The following STK11 variants were observed in gnomAD, a reference collection of about 807,000 sequenced individuals.
The protein encoded by STK11 is serine/threonine-protein kinase STK11.
A neutral mutation model predicts 47.3 loss-of-function variants in STK11; 8 were observed. That is an observed-to-expected ratio of 0.17 (90% CI 0.10 to 0.31). The LOEUF (loss-of-function observed/expected upper bound fraction) is 0.31, where lower values mean the gene tolerates loss of function less well. STK11 is among the 10% of genes least tolerant of loss of function. The probability of loss-of-function intolerance (pLI) is 1.00; values close to 1 mark genes in which losing one functional copy is unlikely to be tolerated. For missense variants in STK11, 475 were observed against 605.0 expected (o/e 0.79, Z 2.25); for synonymous variants, 330 against 255.8 (o/e 1.29, Z -2.77).
intron 1 of STK11, among the ~76,000 whole-genome samples, chr19:1,210,802 C>T (rs1216256121): frequency 2.0e-5 from 3 of 151,420 alleles, no homozygotes; most frequent in African/African-American, 4.9e-5. Flanking sequence ...GCAGAGGTTG[C>T]GGTGAGCCAA....
At chr19:1,220,902 G>C (rs1354848906) in intron 5 of STK11, among the ~76,000 whole-genome samples, 185 bp downstream of exon 5, 1 of 152,336 alleles carries the variant, frequency 6.6e-6, no homozygotes, top group East Asian at 1.9e-4. Context: ...GTTCACCCGT[G>C]TGAAGTGCAG....
At chr19:1,223,208 A>G (rs775617247) in intron 8 of STK11, 36 bp downstream of exon 8, 2 of 1,589,126 alleles carry the variant, frequency 1.3e-6, no homozygotes, top group Non-Finnish European at 1.7e-6. Context: ...GGCTCTGCTG[A>G]CTCGGCCAGG....
intron 1 of STK11, among the ~76,000 whole-genome samples, chr19:1,211,178 G>T (rs1442629012): frequency 6.6e-6 from 1 of 152,250 alleles, no homozygotes; most frequent in Non-Finnish European, 1.5e-5. Context: ...GGAAGCTGAA[G>T]CAAGGAGAAT....
chr19:1,227,365 C>A, intron 9 of STK11: 1 of 256,340 alleles, frequency 3.9e-6, no homozygotes, highest in Non-Finnish European at 6.7e-6. Context: ...CAAATGGGTG[C>A]CCACAGCCCA....
intron 3 of STK11, chr19:1,220,045 C>A: frequency 3.2e-6 from 1 of 311,638 alleles, no homozygotes; most frequent in Non-Finnish European, 6.1e-6. Context: ...GAGTCAGGGC[C>A]CCTTGCTGCT....
At chr19:1,213,439 C>G (rs1220825191) in intron 1 of STK11, among the ~76,000 whole-genome samples, 1 of 152,222 alleles carries the variant, frequency 6.6e-6, no homozygotes, top group African/African-American at 2.4e-5. Context: ...TCCCCATTCC[C>G]TCCCCAGTCC....
chr19:1,222,082 T>G (rs2145429143), intron 7 of STK11, 76 bp downstream of exon 7: 2 of 1,505,606 alleles, frequency 1.3e-6, no homozygotes, highest in Non-Finnish European at 1.8e-6. Flanking sequence ...GAGCGGGCGC[T>G]AGAGCAGGGC....
In STK11 at chr19:1,219,411, C is replaced by T. The variant is rs786201418; in HGVS notation, c.462C>T (p.His154=). 17 of 1,055,824 alleles carry T rather than the reference C, an allele frequency of 1.6e-5. No homozygotes were observed. In the East Asian group the frequency reaches 4.3e-4, roughly 27 times the overall value. 65.4% of individuals were successfully genotyped at this position (1,055,824 alleles called of 1,614,324 possible). A position where few individuals can be genotyped will look rare whatever the true frequency, so the allele number is the denominator to read the frequency against. ...PEKRFPVCQA[H]GYFCQLIDGL... is the part of the protein sequence containing the mutation. ...AGCGTTTCCCAGTGTGCCAGGCCCA[C>T]GGGTGCGTGCGCGGGGCAGGGGCCA... The change falls in exon 3 of 10, where the codon CAC becomes CAT. Residue 154 remains histidine (H), a splice_region_variant and synonymous_variant. Transcript: ENST00000326873.
chr19:1,208,290 C>T (rs1978728), intron 1 of STK11, among the ~76,000 whole-genome samples: 49,735 of 149,686 alleles, frequency 0.33, 8,770 homozygotes, highest in East Asian at 0.62. Flanking sequence ...GCTCAGGGGC[C>T]CTGGGGCTCA....
intron 1 of STK11, among the ~76,000 whole-genome samples, chr19:1,214,680 C>T (rs879729102): frequency 1.3e-5 from 2 of 152,224 alleles, no homozygotes; most frequent in African/African-American, 2.4e-5. Context: ...AGCTCCTGGC[C>T]TCACTGCCCC....
At chr19:1,225,032 C>T (rs1335646591) in intron 8 of STK11, 12 of 980,462 alleles carry the variant, frequency 1.2e-5, no homozygotes, top group Non-Finnish European at 1.3e-5. Context: ...TTTGGCCTCA[C>T]GTGTCCCTAC....
At chr19:1,226,285 A>G in intron 8 of STK11, 169 bp from the exon 9 acceptor site, 1 of 1,443,002 alleles carries the variant, frequency 6.9e-7, no homozygotes, top group Non-Finnish European at 9.1e-7. Flanking sequence ...TGCCTCCCAG[A>G]GCTGCTGGGG....
rs571307317 is a variant in STK11 at position 1,208,542 on chromosome 19, T to G, written c.290+1339T>G. On this transcript the variant is annotated intron_variant, in intron 1 of 9. Transcript: ENST00000326873. ...CCAGGATGGTCTCAATCTCCTGACCTCGTGATCCGCCCGCCTCGGCCTCCC... is the reference window on the plus strand; with the variant it reads ...CCAGGATGGTCTCAATCTCCTGACCGCGTGATCCGCCCGCCTCGGCCTCCC... Among the ~76,000 whole-genome samples, 212 of 148,266 alleles carry G rather than the reference T, an allele frequency of 1.4e-3. 1 individual carries two copies. Among genetic ancestry groups the G allele is most frequent in the African/African-American group, 5.0e-3 (202 of 40,180 alleles).
At chr19:1,210,135 C>T (rs2080699467) in intron 1 of STK11, among the ~76,000 whole-genome samples, 1 of 152,100 alleles carries the variant, frequency 6.6e-6, no homozygotes, top group South Asian at 2.1e-4. Context: ...TCCTCCAGCC[C>T]CCTGGGTGCT....
chr19:1,221,270 T>A lies in STK11; in HGVS notation c.792T>A (p.Phe264Leu). 1 of 1,612,238 alleles carries A rather than the reference T, an allele frequency of 6.2e-7. No homozygotes were observed. The highest frequency in any genetic ancestry group is 8.5e-7 in the Non-Finnish European group (1 of 1,179,474). The stretch of plus-strand genomic sequence containing the variant: ...AAGGGGACAACATCTACAAGTTGTT[T>A]GAGAACATCGGGAAGGGGAGCTACG... Reference protein sequence around the residue: ...PFEGDNIYKLFENIGKGSYAI... With the variant: ...PFEGDNIYKLLENIGKGSYAI... The change falls in exon 6 of 10, where the codon TTT (phenylalanine) becomes TTA (leucine). Residue 264 changes from phenylalanine to leucine, a missense_variant. This residue lies in a region of STK11 where 130 missense variants were observed against 239.7 expected (regional missense o/e 0.54). Transcript: ENST00000326873.
intron 8 of STK11, chr19:1,224,559 C>T: frequency 1.0e-6 from 1 of 985,474 alleles, no homozygotes; most frequent in Non-Finnish European, 1.2e-6. Context: ...TGCGAGAGTC[C>T]CTACTGGGAC....
chr19:1,215,161 G>A (rs113886953), intron 1 of STK11, among the ~76,000 whole-genome samples: 1 of 152,122 alleles, frequency 6.6e-6, no homozygotes, highest in African/African-American at 2.4e-5. Context: ...GCTGGGCCCC[G>A]GGGCCTTTGC....
intron 8 of STK11, chr19:1,224,479 G>A (rs2145433277): frequency 1.0e-6 from 1 of 985,460 alleles, no homozygotes; most frequent in Non-Finnish European, 1.2e-6. Flanking sequence ...GAGCCCTGGT[G>A]CCCTGAGACG....
chr19:1,227,578 C>T lies in STK11; in HGVS notation c.*17-15C>T. The T allele has an allele frequency of 9.4e-7, 1 of 1,064,220 alleles. No homozygotes were observed. Among genetic ancestry groups the T allele is most frequent in the Non-Finnish European group, 1.1e-6 (1 of 878,600 alleles). The allele number at this position is 1,064,220 out of a possible 1,614,324, so 65.9% of individuals were successfully genotyped here. The stretch of plus-strand genomic sequence containing the variant: ...TGCCCAGGCTGACCTCTTCCGTCTT[C>T]CTTCCACCCTGCAGCCCGTGTCCAG... On this transcript the variant is annotated splice_polypyrimidine_tract_variant and intron_variant, in intron 9 of 9. Transcript: ENST00000326873.
Sources: gnomAD v4.1 joint callset for allele counts (sites outside exome capture counted in the v4.1 genomes callset) on GRCh38, gnomAD v4.1.1 for gene constraint, gnomAD v4.1.1 regional missense constraint, MANE v1.5 for transcripts, NCBI Gene and HGNC (gene_info 2026-07-23, HGNC 2026-07-21) for gene names.